Variants in PRKCB observed in about 807,000 individuals in gnomAD.
PRKCB encodes the protein protein kinase C beta, also known as protein kinase C beta type.
PRKCB carries 13 observed loss-of-function variants against 81.5 expected under a neutral mutation model. The ratio of observed to expected loss-of-function variants is 0.16; its 90% CI spans 0.10 to 0.25. The LOEUF (loss-of-function observed/expected upper bound fraction) is 0.25, where lower values mean the gene tolerates loss of function less well. Ranked by LOEUF, PRKCB falls within the 10% of genes least tolerant of loss-of-function variation. PRKCB has a pLI of 1.00. For synonymous variants in PRKCB, 335 were observed against 321.4 expected, an observed-to-expected ratio of 1.04 and a Z score of -0.45; for missense variants, 509 against 875.7, an observed-to-expected ratio of 0.58 and a Z score of 5.29.
At chr16:23,995,926 T>A (rs1484285633) in intron 3 of PRKCB, among the ~76,000 whole-genome samples, 1 of 151,568 alleles carries the variant, frequency 6.6e-6, no homozygotes, top group Admixed American at 6.6e-5. Context: ...GTAGTCACTT[T>A]AGGACATCCC....
intron 16 of PRKCB, among the ~76,000 whole-genome samples, chr16:24,197,585 G>T (rs1041043449): frequency 2.6e-5 from 4 of 152,200 alleles, no homozygotes; most frequent in African/African-American, 7.2e-5. Flanking sequence ...CATGAGCCAA[G>T]AAATAACATG....
chr16:24,129,013 A>C (rs1329178567), intron 9 of PRKCB, among the ~76,000 whole-genome samples: 1 of 152,210 alleles, frequency 6.6e-6, no homozygotes, highest in East Asian at 1.9e-4. Context: ...AAATACAGCA[A>C]ATACTTGATC....
At chr16:23,977,696 A>G (rs1964643830) in intron 2 of PRKCB, among the ~76,000 whole-genome samples, 3 of 152,168 alleles carry the variant, frequency 2.0e-5, no homozygotes, top group Admixed American at 1.3e-4. Context: ...TCTCAACTGT[A>G]TACTCGTTTG....
chr16:24,167,521 T>A (rs1967366063), intron 10 of PRKCB, among the ~76,000 whole-genome samples: 1 of 151,864 alleles, frequency 6.6e-6, no homozygotes, highest in South Asian at 2.1e-4. Context: ...GATCACGCCA[T>A]TGTACTCCAG....
intron 5 of PRKCB, among the ~76,000 whole-genome samples, chr16:24,086,719 A>ATAT (rs1966314873): frequency 1.3e-5 from 2 of 152,244 alleles, no homozygotes; most frequent in Admixed American, 1.3e-4. Context: ...GGATAAAGCT[A>ATAT]AAATCTTTAT....
intron 2 of PRKCB, among the ~76,000 whole-genome samples, chr16:23,863,240 A>T (rs1307533717): frequency 3.1e-5 from 2 of 65,056 alleles, no homozygotes; most frequent in African/African-American, 9.8e-5. Flanking sequence ...GTATATATAT[A>T]CATATATATA....
At chr16:24,113,581 T>A (rs183609313) in intron 8 of PRKCB, among the ~76,000 whole-genome samples, 1 of 149,018 alleles carries the variant, frequency 6.7e-6, no homozygotes, top group Non-Finnish European at 1.5e-5. Flanking sequence ...TCATTCTTTC[T>A]CCCCTTTCTC....
At position 24,218,236 on chromosome 16, in the gene PRKCB, G is replaced by A; in HGVS notation, c.*3420G>A. 1 of 985,384 alleles carries A rather than the reference G, an allele frequency of 1.0e-6. No homozygotes were observed. Among genetic ancestry groups the A allele is most frequent in the South Asian group, 4.7e-5 (1 of 21,280 alleles). 61.0% of individuals were successfully genotyped at this position (985,384 alleles called of 1,614,324 possible). ...ATCAAGATAATTAAAGGATGCTAAA[G>A]TGTGACTTGTGGGGATTGGGAGAGA... On this transcript the variant is annotated 3_prime_UTR_variant, in exon 17 of 17. Transcript: ENST00000643927.
chr16:24,169,454 C>T lies in PRKCB; in HGVS notation c.1240-2816C>T, dbSNP rs1175611487. Among the ~76,000 whole-genome samples, 4 of 152,138 alleles carry T rather than the reference C, an allele frequency of 2.6e-5. No individual in the cohort carries two copies. The East Asian group carries it at 7.7e-4, about 29-fold the overall frequency. Reference sequence around the variant, plus strand: ...ACCTTACATGATGCGTCCCTCAGCACCACCCTGGGCTCATCTCCTACCCTG... The same window carrying T: ...ACCTTACATGATGCGTCCCTCAGCATCACCCTGGGCTCATCTCCTACCCTG... On this transcript the variant is annotated intron_variant, in intron 10 of 16. Coordinates refer to ENST00000643927, the MANE Select transcript of PRKCB (RefSeq NM_002738.7).
chr16:23,859,885 A>AAAGGGAG (rs1567292351), intron 2 of PRKCB, among the ~76,000 whole-genome samples: 30 of 146,270 alleles, frequency 2.1e-4, no homozygotes, highest in African/African-American at 7.4e-4. Flanking sequence ...GAGAGAGAGA[A>AAAGGGAG]AGAGAGAGAG....
chr16:24,031,177 C>G (rs1052618458), intron 3 of PRKCB, among the ~76,000 whole-genome samples: 3 of 152,244 alleles, frequency 2.0e-5, no homozygotes, highest in African/African-American at 7.2e-5. Flanking sequence ...CACTGCCAGG[C>G]TATCAAGGGC....
In PRKCB at chr16:24,184,798, C is replaced by T. The variant is rs557562971; in HGVS notation, c.1534-313C>T. ...AATTTAGTAGTGTTAAGTATATTTA[C>T]ATTATTGTGTAAATGTTGTAACTTT... On this transcript the variant is annotated intron_variant, in intron 13 of 16. Transcript: ENST00000643927. Among the ~76,000 whole-genome samples the T allele has an allele frequency of 3.4e-4, 52 of 152,246 alleles. No individual in the cohort carries two copies. The South Asian group carries it at 7.5e-3, about 22-fold the overall frequency.
chr16:23,911,189 A>C (rs1230383358), intron 2 of PRKCB, among the ~76,000 whole-genome samples: 1 of 116,768 alleles, frequency 8.6e-6, no homozygotes, highest in Admixed American at 1.2e-4. Context: ...GCAGTGGCAC[A>C]ATCACAGCTC....
chr16:24,119,607 G>A (rs1245108388), intron 8 of PRKCB, among the ~76,000 whole-genome samples: 1 of 152,184 alleles, frequency 6.6e-6, no homozygotes, highest in Non-Finnish European at 1.5e-5. Flanking sequence ...TGGGGCAGCA[G>A]GGAGGGGAGT....
chr16:23,981,930 CCCCTT>C (rs1567333780), intron 2 of PRKCB, among the ~76,000 whole-genome samples: 1 of 71,918 alleles, frequency 1.4e-5, no homozygotes. Flanking sequence ...CCCTTCCCTT[CCCCTT>C]CCCTTCCCTT....
intron 5 of PRKCB, among the ~76,000 whole-genome samples, chr16:24,072,251 G>A (rs971429823): frequency 6.6e-6 from 1 of 151,954 alleles, no homozygotes; most frequent in Non-Finnish European, 1.5e-5. Flanking sequence ...CCAGCCCCTG[G>A]CAACCATCAA....
intron 10 of PRKCB, among the ~76,000 whole-genome samples, chr16:24,158,889 AG>A (rs1287662518): frequency 6.6e-6 from 1 of 152,080 alleles, no homozygotes; most frequent in African/African-American, 2.4e-5. Context: ...TCAATCTTCT[AG>A]GCTCAAGCAA....
intron 2 of PRKCB, among the ~76,000 whole-genome samples, chr16:23,947,693 C>A (rs1438305309): frequency 6.6e-6 from 1 of 151,958 alleles, no homozygotes; most frequent in African/African-American, 2.4e-5. Flanking sequence ...GGGTTCAATC[C>A]AAACCTTTTG....
chr16:24,071,436 T>TAAAAAAAAAAAAAAAAAAAAA (rs398042091), intron 5 of PRKCB, among the ~76,000 whole-genome samples: 1 of 57,276 alleles, frequency 1.7e-5, no homozygotes, highest in African/African-American at 5.8e-5. Context: ...AGACCCTGTC[T>TAAAAAAAAAAAAAAAAAAAAA]AAAAAAAAAA....
Sources: gnomAD v4.1 joint callset for allele counts (sites outside exome capture counted in the v4.1 genomes callset) on GRCh38, gnomAD v4.1.1 for gene constraint, MANE v1.5 for transcripts, NCBI Gene and HGNC (gene_info 2026-07-23, HGNC 2026-07-21) for gene names.